NUMB: variants seen among roughly 807,000 people sequenced by gnomAD.
NUMB encodes the protein NUMB endocytic adaptor protein.
A neutral mutation model predicts 59.7 loss-of-function variants in NUMB; 29 were observed. That is an observed-to-expected ratio of 0.49 (90% CI 0.36 to 0.66). The LOEUF is 0.66. Ranked by LOEUF, NUMB falls within the 30% of genes least tolerant of loss-of-function variation. NUMB has a pLI of 0.00. For synonymous variants in NUMB, 288 were observed against 288.2 expected (o/e 1.00, Z 0.01); for missense variants, 723 against 822.0 (o/e 0.88, Z 1.47).
chr14:73,386,789 G>C (rs925770361), intron 2 of NUMB, among the ~76,000 whole-genome samples: 18 of 145,184 alleles, frequency 1.2e-4, no homozygotes, highest in Middle Eastern at 3.6e-3. Context: ...TTGATGTATT[G>C]TTTTCAGCCC....
intron 6 of NUMB, among the ~76,000 whole-genome samples, chr14:73,313,668 G>GAAAAAAAAATAAAAAAAAAAAAAAAAA (rs1890906484): frequency 8.1e-6 from 1 of 124,120 alleles, no homozygotes; most frequent in Admixed American, 8.5e-5. Context: ...TCCAAAATCT[G>GAAAAAAAAATAAAAAAAAAAAAAAAAA]AAAAAAAAAA....
Position 73,377,428 on chromosome 14 carries a change from G to A in NUMB, c.-100-10447C>T, listed in dbSNP as rs187972805. Among the ~76,000 whole-genome samples, 17 of 152,202 alleles carry A rather than the reference G, an allele frequency of 1.1e-4. No individual in the cohort carries two copies. In the South Asian group the frequency reaches 2.7e-3, roughly 24 times the overall value. The stretch of plus-strand genomic sequence containing the variant: ...AAGGGGGGCAGGCAGATCACTTGAG[G>A]TCCAGAGTTCGAGACCAGCCTGGCC... On this transcript the variant is annotated intron_variant, in intron 2 of 12. Coordinates refer to ENST00000555238, the MANE Select transcript of NUMB (RefSeq NM_001005743.2).
chr14:73,420,259 T>G (rs756070799), intron 1 of NUMB, among the ~76,000 whole-genome samples: 5 of 152,234 alleles, frequency 3.3e-5, no homozygotes, highest in Non-Finnish European at 7.3e-5. Flanking sequence ...CGTTGTCGTC[T>G]GACACAATCT....
intron 6 of NUMB, among the ~76,000 whole-genome samples, chr14:73,306,672 C>T (rs953472581): frequency 2.6e-5 from 4 of 152,228 alleles, no homozygotes; most frequent in African/African-American, 4.8e-5. Flanking sequence ...TAGGTGTCAT[C>T]TCCTCCTAGA....
At chr14:73,310,373 T>C (rs1000505137) in intron 6 of NUMB, among the ~76,000 whole-genome samples, 1 of 152,214 alleles carries the variant, frequency 6.6e-6, no homozygotes, top group African/African-American at 2.4e-5. Context: ...TTTAAAATAT[T>C]TGCAACTAAT....
intron 1 of NUMB, among the ~76,000 whole-genome samples, chr14:73,456,521 C>A (rs1331972489): frequency 6.6e-6 from 1 of 152,140 alleles, no homozygotes; most frequent in African/African-American, 2.4e-5. Context: ...AAAAGTTTCC[C>A]AAAACAATAC....
chr14:73,324,966 T>A (rs1286606909), intron 4 of NUMB, among the ~76,000 whole-genome samples: 4 of 151,508 alleles, frequency 2.6e-5, no homozygotes, highest in African/African-American at 7.3e-5. Flanking sequence ...TTGACCCATG[T>A]ATCCCTCTCC....
At chr14:73,334,949 CAAAA>C (rs10700256) in intron 4 of NUMB, among the ~76,000 whole-genome samples, 3 of 110,332 alleles carry the variant, frequency 2.7e-5, no homozygotes, top group African/African-American at 3.5e-5. Context: ...AACTCTGTCT[CAAAA>C]AAAAAAAAAA....
intron 2 of NUMB, among the ~76,000 whole-genome samples, chr14:73,368,183 G>T (rs1385201246): frequency 6.6e-6 from 1 of 152,122 alleles, no homozygotes; most frequent in Non-Finnish European, 1.5e-5. Flanking sequence ...AACGGAAAGT[G>T]GTCACAGAGT....
At chr14:73,294,140 T>C (rs1198103083) in intron 7 of NUMB, among the ~76,000 whole-genome samples, 2 of 152,218 alleles carry the variant, frequency 1.3e-5, no homozygotes, top group African/African-American at 2.4e-5. Flanking sequence ...TTTGGTTTTA[T>C]CAGGTAGCTA....
chr14:73,438,647 A>G (rs1239769667), intron 1 of NUMB, among the ~76,000 whole-genome samples: 1 of 151,842 alleles, frequency 6.6e-6, no homozygotes, highest in Non-Finnish European at 1.5e-5. Context: ...AAAAAAAAAA[A>G]AAAAGTTTTC....
intron 1 of NUMB, among the ~76,000 whole-genome samples, chr14:73,443,854 T>C (rs373205428): frequency 6.6e-6 from 1 of 151,732 alleles, no homozygotes; most frequent in African/African-American, 2.4e-5. Flanking sequence ...GGTTTCACTG[T>C]GTTGCCCTCT....
chr14:73,318,983 G>T (rs1594899737), intron 5 of NUMB, among the ~76,000 whole-genome samples: 2 of 152,104 alleles, frequency 1.3e-5, no homozygotes, highest in Admixed American at 1.3e-4. Flanking sequence ...AATTTAAAAA[G>T]CGCTAGAAGG....
rs1381001006 is a variant in NUMB, at chr14:73,383,553, A to G, written c.-100-16572T>C. 3.3e-5 allele frequency among the ~76,000 whole-genome samples: 5 copies of G among 152,336 alleles called. No homozygotes were observed. The South Asian group carries it at 6.2e-4, about 19-fold the overall frequency. ...GAACTGAAAGAATGAGACAGAAGCA[A>G]TATCAGAAGAGATATTCCAAACCTG... On this transcript the variant is annotated intron_variant, in intron 2 of 12. Coordinates refer to ENST00000555238, the MANE Select transcript of NUMB (RefSeq NM_001005743.2).
chr14:73,291,714 T>A (rs545521495), intron 8 of NUMB, among the ~76,000 whole-genome samples: 1 of 150,214 alleles, frequency 6.7e-6, no homozygotes, highest in South Asian at 2.1e-4. Flanking sequence ...GCCAGAGTCT[T>A]GCTCTGTCAC....
chr14:73,353,566 GC>G (rs200785760), intron 4 of NUMB, among the ~76,000 whole-genome samples: 51 of 150,374 alleles, frequency 3.4e-4, no homozygotes, highest in East Asian at 3.0e-3. Flanking sequence ...CTTAATACAG[GC>G]CAGGCATGGT....
intron 2 of NUMB, among the ~76,000 whole-genome samples, chr14:73,397,402 G>C (rs76734053): frequency 6.6e-6 from 1 of 152,250 alleles, no homozygotes; most frequent in South Asian, 2.1e-4. Flanking sequence ...GGAATTCAGC[G>C]GGGAGAAAGA....
At chr14:73,431,745 T>C (rs958512176) in intron 1 of NUMB, among the ~76,000 whole-genome samples, 30 of 149,738 alleles carry the variant, frequency 2.0e-4, no homozygotes, top group Admixed American at 2.0e-3. Flanking sequence ...CAAGACTCCG[T>C]CTCAAAAAAA....
At position 73,394,762 on chromosome 14, in the gene NUMB, AT is replaced by A. The variant is rs536579835; in HGVS notation, c.-101+15174del. ...AATTTGACTTTTCAAGACTCCACTT[AT>A]AAGTGAAATCATGAAGTATTTGTCT... is the stretch of plus-strand genomic sequence containing the variant. On this transcript the variant is annotated intron_variant, in intron 2 of 12. Coordinates refer to ENST00000555238, the MANE Select transcript of NUMB (RefSeq NM_001005743.2). Among the ~76,000 whole-genome samples the A allele has an allele frequency of 1.5e-4, 23 of 152,314 alleles. No individual in the cohort carries two copies. In the South Asian group the frequency reaches 4.8e-3, roughly 32 times the overall value.
Sources: gnomAD v4.1 joint callset for allele counts (sites outside exome capture counted in the v4.1 genomes callset) on GRCh38, gnomAD v4.1.1 for gene constraint, MANE v1.5 for transcripts, NCBI Gene and HGNC (gene_info 2026-07-23, HGNC 2026-07-21) for gene names.